The following AKR1C4 variants were observed in gnomAD, a reference collection of about 807,000 sequenced individuals.
AKR1C4 encodes the protein aldo-keto reductase family 1 member C4.
AKR1C4 carries 44 observed loss-of-function variants against 41.0 expected under a neutral mutation model. That is an observed-to-expected ratio of 1.07 (90% CI 0.84 to 1.38). The LOEUF (loss-of-function observed/expected upper bound fraction) is 1.38. AKR1C4 is among the 40% of genes most tolerant of loss of function. AKR1C4 has a pLI of 0.00. For synonymous variants in AKR1C4, 165 were observed against 137.7 expected (o/e 1.20, Z -1.39); for missense variants, 438 against 387.9 (o/e 1.13, Z -1.09).
intron 8 of AKR1C4, among the ~76,000 whole-genome samples, chr10:5,217,884 T>A (rs1329255844): frequency 6.6e-6 from 1 of 152,218 alleles, no homozygotes; most frequent in African/African-American, 2.4e-5. Context: ...AAGGCACTCA[T>A]GTGATGAGGG....
chr10:5,202,937 T>A (rs1439443876), intron 2 of AKR1C4, among the ~76,000 whole-genome samples: 14 of 69,236 alleles, frequency 2.0e-4, no homozygotes, highest in Non-Finnish European at 3.8e-4. Flanking sequence ...TATAGTTTTC[T>A]TTTGTGTGTG....
intron 7 of AKR1C4, 55 bp from the exon 8 acceptor site, chr10:5,216,656 T>C: frequency 7.3e-7 from 1 of 1,364,668 alleles, no homozygotes; most frequent in Non-Finnish European, 1.0e-6. Flanking sequence ...TACTTGGCTA[T>C]TCCAAGTTGA....
chr10:5,207,937 G>A (rs1832514624), intron 5 of AKR1C4, among the ~76,000 whole-genome samples: 1 of 146,552 alleles, frequency 6.8e-6, no homozygotes, highest in Non-Finnish European at 1.5e-5. Context: ...TGCTTGAAAT[G>A]GTCTCTTCTC....
At chr10:5,214,823 A>C (rs1429493849) in intron 7 of AKR1C4, among the ~76,000 whole-genome samples, 1 of 152,122 alleles carries the variant, frequency 6.6e-6, no homozygotes. Flanking sequence ...TTCCATTAAA[A>C]TTTAGTAATT....
At chr10:5,207,837 A>G in intron 5 of AKR1C4, 1 of 283,340 alleles carries the variant, frequency 3.5e-6, no homozygotes, top group South Asian at 3.5e-5. Flanking sequence ...GTTTTCCTGT[A>G]TGCCCTCCTG....
chr10:5,206,127 T>C, intron 4 of AKR1C4, 148 bp from the exon 5 acceptor site: 2 of 1,384,352 alleles, frequency 1.4e-6, no homozygotes, highest in Non-Finnish European at 9.8e-7. Context: ...ACTATCCTTT[T>C]GTTATCTGTT....
At chr10:5,207,508 T>A in intron 5 of AKR1C4, 1 of 444,856 alleles carries the variant, frequency 2.2e-6, no homozygotes. Flanking sequence ...CTGAACTTTA[T>A]AAAATAGGGT....
intron 7 of AKR1C4, among the ~76,000 whole-genome samples, chr10:5,214,124 G>T (rs1452692211): frequency 2.0e-5 from 3 of 151,924 alleles, no homozygotes; most frequent in African/African-American, 7.3e-5. Context: ...ATAGTAATTT[G>T]ATTTTTAATA....
intron 5 of AKR1C4, among the ~76,000 whole-genome samples, chr10:5,208,923 C>A: frequency 6.8e-6 from 1 of 148,130 alleles, no homozygotes; most frequent in Non-Finnish European, 1.5e-5. Context: ...AAAAAACATC[C>A]AATTGTGACT....
intron 3 of AKR1C4, among the ~76,000 whole-genome samples, chr10:5,205,105 C>T (rs1000210221): frequency 6.6e-6 from 1 of 152,166 alleles, no homozygotes; most frequent in Non-Finnish European, 1.5e-5. Flanking sequence ...AATGGGTAGT[C>T]ACTGCCATGA....
chr10:5,211,619 C>A (rs1832577052), intron 5 of AKR1C4, among the ~76,000 whole-genome samples: 2 of 152,154 alleles, frequency 1.3e-5, no homozygotes, highest in Non-Finnish European at 2.9e-5. Flanking sequence ...AGTTCCGGAC[C>A]TTCTTATACT....
chr10:5,215,567 C>T (rs782250753), intron 7 of AKR1C4, among the ~76,000 whole-genome samples: 1 of 152,178 alleles, frequency 6.6e-6, no homozygotes, highest in African/African-American at 2.4e-5. Flanking sequence ...GAAGCAGTCA[C>T]ACTATCTCTT....
At chr10:5,202,229 T>C (rs1444010631) in intron 2 of AKR1C4, among the ~76,000 whole-genome samples, 1 of 152,186 alleles carries the variant, frequency 6.6e-6, no homozygotes, top group African/African-American at 2.4e-5. Flanking sequence ...TAGAGATCTT[T>C]CATCTCTTTG....
At chr10:5,209,712 C>T (rs1554797761) in intron 5 of AKR1C4, among the ~76,000 whole-genome samples, 1 of 152,186 alleles carries the variant, frequency 6.6e-6, no homozygotes, top group African/African-American at 2.4e-5. Context: ...ACCATCAGAT[C>T]TCATGAGACT....
intron 2 of AKR1C4, among the ~76,000 whole-genome samples, chr10:5,201,410 G>T (rs1283030578): frequency 2.0e-5 from 3 of 152,176 alleles, no homozygotes; most frequent in African/African-American, 7.2e-5. Context: ...CTTCTTTTGA[G>T]AAATGTCTAT....
chr10:5,217,149 T>C (rs1286190646), intron 8 of AKR1C4, among the ~76,000 whole-genome samples: 1 of 152,266 alleles, frequency 6.6e-6, no homozygotes, highest in Non-Finnish European at 1.5e-5. Flanking sequence ...TTTTTCCAAA[T>C]CTGTACTTAT....
Position 5,200,297 on chromosome 10 carries a change from C to A in AKR1C4, c.201C>A (p.Ser67Arg), listed in dbSNP as rs782341542. The change falls in exon 2 of 9, where the codon AGC (serine) becomes AGA (arginine). Residue 67 changes from serine to arginine, a missense_variant. Ser to Arg is a moderately radical substitution (Grantham distance 110). Transcript: ENST00000263126. ...NEEQVGLAIR[S>R]KIADGSVKRE... ...AGCAGGTTGGACTGGCCATCCGAAG[C>A]AAGATTGCAGATGGCAGTGTGAAGA... The A allele has an allele frequency of 6.2e-7, 1 of 1,614,036 alleles. No individual in the cohort carries two copies. The highest frequency in any genetic ancestry group is 8.5e-7 in the Non-Finnish European group (1 of 1,180,002).
chr10:5,198,423 C>A (rs1832344792), intron 1 of AKR1C4, among the ~76,000 whole-genome samples: 1 of 152,166 alleles, frequency 6.6e-6, no homozygotes, highest in Non-Finnish European at 1.5e-5. Flanking sequence ...ACTGGTTGTA[C>A]AAAGTGTGGG....
chr10:5,216,594 T>C (rs1379825519), intron 7 of AKR1C4, 117 bp from the exon 8 acceptor site: 4 of 670,010 alleles, frequency 6.0e-6, no homozygotes, highest in Non-Finnish European at 1.0e-5. Flanking sequence ...TCATAACTTT[T>C]GGAAACTTAT....
Sources: allele counts gnomAD v4.1 joint callset (sites outside exome capture counted in the v4.1 genomes callset), GRCh38; gene constraint gnomAD v4.1.1; transcripts MANE v1.5; gene names NCBI Gene and HGNC (gene_info 2026-07-23, HGNC 2026-07-21).